The following GRK2 variants were observed in gnomAD, a reference collection of about 807,000 sequenced individuals.
GRK2 encodes G protein-coupled receptor kinase 2, also known as adrenergic beta receptor kinase 1.
Under a neutral mutation model 97.8 loss-of-function variants are expected in GRK2, and 23 were observed. The observed-to-expected ratio is 0.24, with a 90% CI of 0.17 to 0.33. The LOEUF is 0.33. Ranked by LOEUF, GRK2 falls within the 10% of genes least tolerant of loss-of-function variation. GRK2 has a pLI of 1.00. For missense variants in GRK2, 633 were observed against 956.9 expected, an observed-to-expected ratio of 0.66 and a Z score of 4.47; for synonymous variants, 425 against 381.7, an observed-to-expected ratio of 1.11 and a Z score of -1.32.
intron 1 of GRK2, among the ~76,000 whole-genome samples, chr11:67,272,112 C>G (rs1410288623): frequency 1.3e-5 from 2 of 152,182 alleles, no homozygotes; most frequent in Non-Finnish European, 2.9e-5. Context: ...CCCTGGCTGC[C>G]AGCTGCCAGC....
intron 1 of GRK2, among the ~76,000 whole-genome samples, chr11:67,275,578 T>A (rs1860012575): frequency 6.6e-6 from 1 of 151,184 alleles, no homozygotes; most frequent in South Asian, 2.1e-4. Flanking sequence ...CCAAGCCTCC[T>A]GAGTCCTGCT....
Position 67,266,790 on chromosome 11 carries a change from A to G in GRK2, c.91A>G (p.Lys31Glu). 7.4e-7 allele frequency: 1 copy of G among 1,356,236 alleles called. No homozygotes were observed. Among genetic ancestry groups the G allele is most frequent in the Non-Finnish European group, 9.6e-7 (1 of 1,041,050 alleles). 84.0% of individuals were successfully genotyped at this position (1,356,236 alleles called of 1,614,324 possible). Residue 31 changes from lysine to glutamate, a missense_variant, in exon 1 of 21, where the codon AAG (lysine) becomes GAG (glutamate). Lys to Glu is a moderately conservative substitution (Grantham distance 56, BLOSUM62 1). This residue lies in a region of GRK2 where 193 missense variants were observed against 212.2 expected (regional missense o/e 0.91). Transcript: ENST00000308595. The part of the protein sequence containing the change: ...KATPAARASK[K>E]ILLPEPSIRS... ...CACGCCGGCCGCGCGCGCCAGCAAG[A>G]AGATCCTGCTGCCCGAGCCCAGGTG...
At position 67,281,094 on chromosome 11, in the gene GRK2, T is replaced by C. The variant is rs374028985; in HGVS notation, c.557T>C (p.Leu186Pro). The C allele has an allele frequency of 5.6e-6, 9 of 1,612,032 alleles. No homozygotes were observed. In the African/African-American group the frequency reaches 8.0e-5, roughly 14 times the overall value. Residue 186 changes from leucine (L) to proline (P), a missense_variant and splice_region_variant, in exon 8 of 21, where the codon CTG becomes CCG. Leu to Pro is a moderately conservative substitution (Grantham distance 98). Transcript: ENST00000308595. The surrounding 1 kb of genome is among the most constrained non-coding windows in gnomAD (Gnocchi z 5.7). ...ACCGCAGCTGTCGCTGCCCCTCAGC[T>C]GACCATGAATGACTTCAGCGTGCAT... is the stretch of plus-strand genomic sequence containing the variant. ...QWKNVELNIHLTMNDFSVHRI... is the reference protein window; with the variant it reads ...QWKNVELNIHPTMNDFSVHRI...
intron 18 of GRK2, 71 bp from the exon 19 acceptor site, chr11:67,284,776 G>T: frequency 6.4e-7 from 1 of 1,550,608 alleles, no homozygotes; most frequent in Non-Finnish European, 8.7e-7. Flanking sequence ...GCAACAGAGT[G>T]GAGACCCTGT....
At chr11:67,285,007 G>A (rs568520816) in intron 19 of GRK2, 24 bp downstream of exon 19, 10 of 1,612,114 alleles carry the variant, frequency 6.2e-6, no homozygotes, top group East Asian at 2.2e-5. Context: ...GCGGGGGTCC[G>A]GGAGCCGGGC....
intron 5 of GRK2, 51 bp from the exon 6 acceptor site, chr11:67,279,788 C>A (rs762815932): frequency 1.9e-6 from 3 of 1,612,266 alleles, no homozygotes; most frequent in Non-Finnish European, 2.5e-6. Context: ...GGGGCCTGGG[C>A]AACCACGGTC....
chr11:67,277,930 GGA>G (rs1410913344), intron 2 of GRK2, among the ~76,000 whole-genome samples: 8 of 152,264 alleles, frequency 5.3e-5, no homozygotes, highest in Non-Finnish European at 1.2e-4. Context: ...CCCGAGAACA[GGA>G]GCTCAGCTCT....
At chr11:67,283,477 A>G (rs1214975451) in intron 15 of GRK2, 1 of 610,278 alleles carries the variant, frequency 1.6e-6, no homozygotes. Context: ...GCAGCTTTTT[A>G]TGTTTATCAA....
At chr11:67,284,110 G>A (rs568583449) in intron 17 of GRK2, 101 bp from the exon 18 acceptor site, 2 of 1,527,006 alleles carry the variant, frequency 1.3e-6, no homozygotes, top group East Asian at 2.3e-5. Flanking sequence ...CAGTTGCACT[G>A]ACCATCCCTA....
At chr11:67,283,592 C>T (rs1258515183) in intron 15 of GRK2, 115 bp from the exon 16 acceptor site, 2 of 998,302 alleles carry the variant, frequency 2.0e-6, no homozygotes, top group Non-Finnish European at 3.0e-6. Context: ...GATGAGGAAA[C>T]AGCTCAGGCT....
At position 67,285,750 on chromosome 11, in the gene GRK2, C is replaced by T; in HGVS notation, c.*300C>T. Reference sequence around the variant, plus strand: ...ATGATGCCACACCAAGCTGTGCCACCCTGGGCTCTGTGGGCTGCACTCTGT... The same window carrying T: ...ATGATGCCACACCAAGCTGTGCCACTCTGGGCTCTGTGGGCTGCACTCTGT... On this transcript the variant is annotated 3_prime_UTR_variant, in exon 21 of 21. Coordinates refer to ENST00000308595, the MANE Select transcript of GRK2 (RefSeq NM_001619.5). The T allele has an allele frequency of 2.3e-6, 1 of 433,234 alleles. No individual in the cohort carries two copies. The highest frequency in any genetic ancestry group is 4.1e-6 in the Non-Finnish European group (1 of 241,812). The allele number at this position is 433,234 out of a possible 1,614,324, so 26.8% of individuals were successfully genotyped here.
rs754589043 is a variant in GRK2 at position 67,283,151 on chromosome 11, C to T, written c.1251C>T (p.Phe417=). The change falls in exon 15 of 21, where the codon TTC becomes TTT. Residue 417 remains phenylalanine, a synonymous_variant. Transcript: ENST00000308595. ...AGGCCGTGGAGCTGCCCGACTCCTTCTCCCCTGAACTACGCTCCCTGCTGG... is the reference window on the plus strand; with the variant it reads ...AGGCCGTGGAGCTGCCCGACTCCTTTTCCCCTGAACTACGCTCCCTGCTGG... The part of the protein sequence containing the change: ...LTMAVELPDS[F]SPELRSLLEG... The T allele has an allele frequency of 3.7e-6, 6 of 1,613,890 alleles. No homozygotes were observed. Among genetic ancestry groups the T allele is most frequent in the Admixed American group, 1.7e-5 (1 of 60,006 alleles).
intron 1 of GRK2, among the ~76,000 whole-genome samples, chr11:67,267,328 T>C (rs1859821280): frequency 6.6e-6 from 1 of 152,204 alleles, no homozygotes; most frequent in African/African-American, 2.4e-5. Context: ...CCGTCTCTCC[T>C]CCAGTCTACA....
At position 67,282,906 on chromosome 11, in the gene GRK2, G is replaced by A. The variant is rs1284526453; in HGVS notation, c.1227+88G>A. 1.4e-6 allele frequency: 2 copies of A among 1,429,760 alleles called. No homozygotes were observed. The highest frequency in any genetic ancestry group is 1.9e-6 in the Non-Finnish European group (2 of 1,045,022). 88.6% of individuals were successfully genotyped at this position (1,429,760 alleles called of 1,614,324 possible). The stretch of plus-strand genomic sequence containing the variant: ...CATGACTCTTGCTTCCCACCAGCCA[G>A]CAGAGATCTGGGCCACTGACCCCTA... On this transcript the variant is annotated intron_variant, in intron 14 of 20. Coordinates refer to ENST00000308595, the MANE Select transcript of GRK2 (RefSeq NM_001619.5). This position sits in a 1 kb window ranked among gnomAD's most constrained non-coding sequence, Gnocchi z 6.9.
intron 1 of GRK2, among the ~76,000 whole-genome samples, chr11:67,274,292 T>C (rs1395271985): frequency 6.6e-6 from 1 of 151,882 alleles, no homozygotes; most frequent in Non-Finnish European, 1.5e-5. Context: ...ATTACAGGCG[T>C]GAGCCACCGC....
chr11:67,282,986 G>T lies in GRK2; in HGVS notation c.1228-142G>T. 8.6e-7 allele frequency: 1 copy of T among 1,161,708 alleles called. No individual in the cohort carries two copies. Among genetic ancestry groups the T allele is most frequent in the Admixed American group, 1.8e-5 (1 of 56,516 alleles). 72.0% of individuals were successfully genotyped at this position (1,161,708 alleles called of 1,614,324 possible). On this transcript the variant is annotated intron_variant, in intron 14 of 20. Transcript: ENST00000308595. This position sits in a 1 kb window ranked among gnomAD's most constrained non-coding sequence, Gnocchi z 6.9. ...CATAGGCTCTCGCCCTCCCCGTGCT[G>T]TTGGAGCATGACTGCTGGGCGAGCT...
Position 67,281,783 on chromosome 11 carries a change from C to T in GRK2, c.827-39C>T, listed in dbSNP as rs1423887255. Reference sequence around the variant, plus strand: ...CGGGCCCAGGCACGGGAGGCTGGGGCAAGACACTGAGTGCTGCCTGTGGGA... The same window carrying T: ...CGGGCCCAGGCACGGGAGGCTGGGGTAAGACACTGAGTGCTGCCTGTGGGA... On this transcript the variant is annotated intron_variant, in intron 10 of 20. Transcript: ENST00000308595. This position sits in a 1 kb window ranked among gnomAD's most constrained non-coding sequence, Gnocchi z 5.7. 1.2e-6 allele frequency: 2 copies of T among 1,613,678 alleles called. No individual in the cohort carries two copies. The highest frequency in any genetic ancestry group is 4.5e-5 in the East Asian group (2 of 44,884).
rs567501845 is a variant in GRK2 at position 67,269,174 on chromosome 11, C to G, written c.113+2362C>G. Reference sequence around the variant, plus strand: ...GCCTTGCACACCCAGTGGGGCAGAGCACGCCGCCCCCCGCCCCCCGCCGCC... The same window carrying G: ...GCCTTGCACACCCAGTGGGGCAGAGGACGCCGCCCCCCGCCCCCCGCCGCC... On this transcript the variant is annotated intron_variant, in intron 1 of 20. Transcript: ENST00000308595. The surrounding 1 kb of genome is among the most constrained non-coding windows in gnomAD (Gnocchi z 4.1). Among the ~76,000 whole-genome samples the G allele has an allele frequency of 2.6e-4, 39 of 152,304 alleles. No homozygotes were observed. The highest frequency in any genetic ancestry group is 7.7e-4 in the African/African-American group (32 of 41,560).
intron 18 of GRK2, 50 bp from the exon 19 acceptor site, chr11:67,284,794 CAAA>C (rs1160950119): frequency 3.2e-6 from 5 of 1,585,462 alleles, no homozygotes; most frequent in African/African-American, 1.3e-5. Context: ...TGTCTCAAAA[CAAA>C]AAAGAAACCC....
Sources: gnomAD v4.1 joint callset for allele counts (sites outside exome capture counted in the v4.1 genomes callset) on GRCh38, gnomAD v4.1.1 for gene constraint, gnomAD v4.1.1 regional missense constraint, Gnocchi (gnomAD v3.1) non-coding constraint, MANE v1.5 for transcripts, NCBI Gene and HGNC (gene_info 2026-07-23, HGNC 2026-07-21) for gene names.